Variants in BPIFB1 observed in about 807,000 individuals in gnomAD.
BPIFB1 encodes BPI fold-containing family B member 1.
BPIFB1 carries 34 observed loss-of-function variants against 55.1 expected under a neutral mutation model. The observed-to-expected ratio is 0.62, with a 90% CI of 0.47 to 0.82. The LOEUF (loss-of-function observed/expected upper bound fraction) is 0.82, where lower values mean the gene tolerates loss of function less well. BPIFB1 is among the 40% of genes least tolerant of loss of function. The pLI is 0.00. For missense variants in BPIFB1, 532 were observed against 593.1 expected (o/e 0.90, Z 1.07); for synonymous variants, 236 against 245.3 (o/e 0.96, Z 0.35).
At chr20:33,301,057 T>C (rs1349455924) in intron 8 of BPIFB1, among the ~76,000 whole-genome samples, 176 bp from the exon 9 acceptor site, 1 of 152,186 alleles carries the variant, frequency 6.6e-6, no homozygotes, top group African/African-American at 2.4e-5. Flanking sequence ...AGTCAGAGAT[T>C]ATCCGAGGGG....
intron 6 of BPIFB1, among the ~76,000 whole-genome samples, chr20:33,292,385 C>T (rs1396528003): frequency 1.3e-5 from 2 of 152,150 alleles, no homozygotes; most frequent in East Asian, 1.9e-4. Context: ...TACAATAGCA[C>T]ACGATTGTAT....
intron 1 of BPIFB1, among the ~76,000 whole-genome samples, chr20:33,284,871 T>TTCTC (rs200193317): frequency 1.3e-5 from 2 of 151,978 alleles, no homozygotes; most frequent in East Asian, 1.9e-4. Context: ...ACAGGGCCCT[T>TTCTC]TCTCTCTCTC....
At chr20:33,306,365 C>T (rs765957088) in intron 14 of BPIFB1, among the ~76,000 whole-genome samples, 2 of 152,220 alleles carry the variant, frequency 1.3e-5, no homozygotes, top group Non-Finnish European at 2.9e-5. Context: ...GGCGCCTCAG[C>T]AGACCCTGTT....
At chr20:33,303,844 C>A in intron 11 of BPIFB1, 114 bp from the exon 12 acceptor site, 1 of 1,053,230 alleles carries the variant, frequency 9.5e-7, no homozygotes, top group Non-Finnish European at 1.4e-6. Context: ...AACCCTTTGC[C>A]AAGGTCCCAG....
Position 33,309,140 on chromosome 20 carries a change from A to C in BPIFB1, c.1396-568A>C, listed in dbSNP as rs1200595392. Among the ~76,000 whole-genome samples the C allele has an allele frequency of 2.6e-5, 4 of 152,068 alleles. No homozygotes were observed. Among genetic ancestry groups the C allele is most frequent in the Non-Finnish European group, 5.9e-5 (4 of 68,022 alleles). On this transcript the variant is annotated intron_variant, in intron 15 of 15. Coordinates refer to ENST00000253354, the MANE Select transcript of BPIFB1 (RefSeq NM_033197.3). This position sits in a 1 kb window ranked among gnomAD's most constrained non-coding sequence, Gnocchi z 4.4. ...CTCCGTGGCATCTGCTGGGGAGAGG[A>C]TCTATGGCAGTGTCACCCTCGCTCC...
Position 33,288,017 on chromosome 20 carries a change from G to A in BPIFB1, c.116-724G>A, listed in dbSNP as rs1449954984. 2.0e-5 allele frequency among the ~76,000 whole-genome samples: 3 copies of A among 152,164 alleles called. No homozygotes were observed. The East Asian group carries it at 5.8e-4, about 29-fold the overall frequency. ...AAGTGGGTGGATTTGCAGCTGAGAG[G>A]CTATAACCCAGGAGCTCTGATACAC... On this transcript the variant is annotated intron_variant, in intron 2 of 15. Transcript: ENST00000253354.
At chr20:33,290,527 C>T (rs182325758) in intron 4 of BPIFB1, among the ~76,000 whole-genome samples, 3 of 151,940 alleles carry the variant, frequency 2.0e-5, no homozygotes, top group South Asian at 4.2e-4. Context: ...CAGGATATCC[C>T]GGGGAACTGA....
intron 13 of BPIFB1, among the ~76,000 whole-genome samples, chr20:33,305,480 G>T (rs912877488): frequency 6.6e-6 from 1 of 151,784 alleles, no homozygotes; most frequent in African/African-American, 2.4e-5. Context: ...ACCACGCCCG[G>T]CTAATTTTTT....
chr20:33,298,794 C>G, intron 7 of BPIFB1: 1 of 146,196 alleles, frequency 6.8e-6, no homozygotes, highest in Non-Finnish European at 1.5e-5. Context: ...TTCCTTTTTT[C>G]TTTTTTTTTT....
intron 2 of BPIFB1, among the ~76,000 whole-genome samples, chr20:33,287,456 G>T (rs185238712): frequency 6.6e-6 from 1 of 152,208 alleles, no homozygotes; most frequent in Non-Finnish European, 1.5e-5. Context: ...ATTACCAGGG[G>T]ATTGGAAGAA....
intron 2 of BPIFB1, among the ~76,000 whole-genome samples, chr20:33,288,184 G>T (rs949144822): frequency 6.6e-6 from 1 of 152,182 alleles, no homozygotes; most frequent in African/African-American, 2.4e-5. Flanking sequence ...CTGCACATGA[G>T]CCAGATGGGC....
intron 2 of BPIFB1, among the ~76,000 whole-genome samples, chr20:33,288,371 A>G (rs1377629986): frequency 6.6e-6 from 1 of 152,186 alleles, no homozygotes; most frequent in Non-Finnish European, 1.5e-5. Flanking sequence ...AACAGCCCCA[A>G]ACAGAGTTTT....
At chr20:33,289,156 G>A (rs376172156) in intron 3 of BPIFB1, among the ~76,000 whole-genome samples, 18 of 152,290 alleles carry the variant, frequency 1.2e-4, no homozygotes, top group African/African-American at 4.3e-4. Context: ...CAAGGTGGGT[G>A]GATCACCTGA....
intron 6 of BPIFB1, among the ~76,000 whole-genome samples, chr20:33,295,645 G>GAAGAAAGAAAGAGAGA (rs1555797813): frequency 8.0e-6 from 1 of 125,386 alleles, no homozygotes; most frequent in African/African-American, 4.3e-5. Context: ...AAAGAGAGAA[G>GAAGAAAGAAAGAGAGA]AAGAAAGAAA....
intron 8 of BPIFB1, 31 bp from the exon 9 acceptor site, chr20:33,301,202 T>TCTTA: frequency 1.9e-6 from 3 of 1,599,008 alleles, no homozygotes; most frequent in Middle Eastern, 1.7e-4. Context: ...GAGTTAAAAT[T>TCTTA]CTTAGCTGAC....
chr20:33,292,692 C>T (rs747736262), intron 6 of BPIFB1, among the ~76,000 whole-genome samples: 1 of 149,316 alleles, frequency 6.7e-6, no homozygotes, highest in Non-Finnish European at 1.5e-5. Flanking sequence ...CCACCAGGTC[C>T]TGTTGGATTT....
chr20:33,288,979 C>A (rs1980363263), intron 3 of BPIFB1, 97 bp downstream of exon 3: 12 of 1,374,496 alleles, frequency 8.7e-6, no homozygotes, highest in Non-Finnish European at 2.9e-6. Flanking sequence ...CAAGCATCGA[C>A]TTGTGTCAGA....
At chr20:33,290,181 G>A (rs1186177039) in intron 4 of BPIFB1, among the ~76,000 whole-genome samples, 189 bp downstream of exon 4, 2 of 152,164 alleles carry the variant, frequency 1.3e-5, no homozygotes, top group Admixed American at 6.5e-5. Flanking sequence ...AAAGAGAGAG[G>A]GGGCATGGTA....
chr20:33,292,269 C>A (rs1391257106), intron 6 of BPIFB1, among the ~76,000 whole-genome samples: 1 of 152,124 alleles, frequency 6.6e-6, no homozygotes, highest in East Asian at 1.9e-4. Context: ...TGAAGGGAGG[C>A]AAACCTGATT....
Sources: allele counts gnomAD v4.1 joint callset (sites outside exome capture counted in the v4.1 genomes callset), GRCh38; gene constraint gnomAD v4.1.1; non-coding constraint Gnocchi (gnomAD v3.1); transcripts MANE v1.5; gene names NCBI Gene and HGNC (gene_info 2026-07-23, HGNC 2026-07-21).